Variants in TTC29 observed in about 807,000 individuals in gnomAD.
TTC29 encodes tetratricopeptide repeat domain 29, also known as tetratricopeptide repeat protein 29.
TTC29 carries 49 observed loss-of-function variants against 58.1 expected under a neutral mutation model. The ratio of observed to expected loss-of-function variants is 0.84; its 90% CI spans 0.67 to 1.07. The LOEUF is 1.07. Among genes scored for constraint, TTC29 ranks in the 50% least tolerant of loss-of-function variants. The pLI, the probability that TTC29 is intolerant of heterozygous loss-of-function variation, is 0.00. For synonymous variants in TTC29, 209 were observed against 196.8 expected (o/e 1.06, Z -0.52); for missense variants, 582 against 555.6 (o/e 1.05, Z -0.48).
chr4:146,942,151 T>G (rs1736464971), intron 2 of TTC29, among the ~76,000 whole-genome samples: 1 of 152,222 alleles, frequency 6.6e-6, no homozygotes, highest in African/African-American at 2.4e-5. Flanking sequence ...TTATTTTAAA[T>G]ATAACAGAAT....
intron 11 of TTC29, among the ~76,000 whole-genome samples, chr4:146,768,533 CA>C (rs1747491546): frequency 6.6e-6 from 1 of 151,776 alleles, no homozygotes; most frequent in South Asian, 2.1e-4. Flanking sequence ...AGTCTAAAAG[CA>C]AAATTAAAGA....
intron 11 of TTC29, among the ~76,000 whole-genome samples, chr4:146,715,356 AAC>A (rs547977520): frequency 5.3e-5 from 8 of 152,202 alleles, no homozygotes; most frequent in Non-Finnish European, 1.2e-4. Context: ...ATATGGAATC[AAC>A]CTAAGTGTCC....
intron 11 of TTC29, among the ~76,000 whole-genome samples, chr4:146,787,896 C>CT (rs1477533416): frequency 1.5e-4 from 11 of 75,278 alleles, no homozygotes; most frequent in East Asian, 8.7e-4. Context: ...CAATCTGCCC[C>CT]CTTTTTTTTT....
At chr4:146,887,228 CAT>C (rs1033150853) in intron 6 of TTC29, among the ~76,000 whole-genome samples, 2 of 152,022 alleles carry the variant, frequency 1.3e-5, no homozygotes, top group African/African-American at 4.8e-5. Context: ...ACCACAATAA[CAT>C]AAAAAAGAAA....
chr4:146,857,180 C>T (rs943755488), intron 8 of TTC29, among the ~76,000 whole-genome samples: 17 of 151,648 alleles, frequency 1.1e-4, no homozygotes, highest in African/African-American at 4.1e-4. Flanking sequence ...TTAAAAAACC[C>T]TTTCTTTTGC....
chr4:146,724,721 C>A (rs1001022815), intron 11 of TTC29, among the ~76,000 whole-genome samples: 1 of 152,080 alleles, frequency 6.6e-6, no homozygotes, highest in Non-Finnish European at 1.5e-5. Context: ...ACCACGTTCG[C>A]CAGGCTGGTC....
chr4:146,805,769 C>A (rs1387371999), intron 10 of TTC29, among the ~76,000 whole-genome samples: 2 of 152,004 alleles, frequency 1.3e-5, no homozygotes, highest in Non-Finnish European at 2.9e-5. Flanking sequence ...GATTGGTGTA[C>A]CTGAAAGTGA....
At chr4:146,799,144 G>A (rs2150113047) in intron 11 of TTC29, among the ~76,000 whole-genome samples, 1 of 152,176 alleles carries the variant, frequency 6.6e-6, no homozygotes, top group East Asian at 1.9e-4. Context: ...GCTGCCAGTA[G>A]GTGAGCTTTG....
At chr4:146,929,052 T>C (rs1034875526) in intron 4 of TTC29, among the ~76,000 whole-genome samples, 2 of 152,152 alleles carry the variant, frequency 1.3e-5, no homozygotes, top group Non-Finnish European at 2.9e-5. Context: ...TTTTGGAAGA[T>C]ACTCTAGTAA....
chr4:146,836,408 G>T (rs1459573687), intron 8 of TTC29, among the ~76,000 whole-genome samples: 1 of 152,060 alleles, frequency 6.6e-6, no homozygotes, highest in South Asian at 2.1e-4. Flanking sequence ...GTCTTGCAAA[G>T]GAGCTGCTCT....
Position 146,833,948 on chromosome 4 carries a change from G to C in TTC29, c.886-51C>G, listed in dbSNP as rs980136272. ...AACATATAGCACAGCCAGATACGCT[G>C]ATGTTTCATTTCATAACAGAAAAAA... On this transcript the variant is annotated intron_variant, in intron 8 of 12. Coordinates refer to ENST00000325106, the MANE Select transcript of TTC29 (RefSeq NM_031956.4). 9 of 1,235,006 alleles carry C rather than the reference G, an allele frequency of 7.3e-6. No individual in the cohort carries two copies. In the East Asian group the frequency reaches 2.2e-4, roughly 30 times the overall value. 76.5% of individuals were successfully genotyped at this position (1,235,006 alleles called of 1,614,324 possible).
chr4:146,779,396 C>A lies in TTC29; in HGVS notation c.1330+24061G>T, dbSNP rs986992493. ...AGCATAAGTGCATAAAAAATAGGAG[C>A]AATATATTTTTAAAGTAATTTTCTA... On this transcript the variant is annotated intron_variant, in intron 11 of 12. Coordinates refer to ENST00000325106, the MANE Select transcript of TTC29 (RefSeq NM_031956.4). Among the ~76,000 whole-genome samples the A allele has an allele frequency of 2.6e-5, 4 of 151,964 alleles. No individual in the cohort carries two copies. The South Asian group carries it at 8.3e-4, about 32-fold the overall frequency.
At chr4:146,800,343 A>G (rs1352136026) in intron 11 of TTC29, among the ~76,000 whole-genome samples, 12 of 152,162 alleles carry the variant, frequency 7.9e-5, no homozygotes, top group Admixed American at 5.9e-4. Context: ...CTGCTCTCTG[A>G]GCTAATGATT....
intron 6 of TTC29, among the ~76,000 whole-genome samples, chr4:146,900,662 TTAAGA>T (rs1190279194): frequency 1.2e-4 from 19 of 152,142 alleles, no homozygotes; most frequent in African/African-American, 4.6e-4. Context: ...TAGAAATATT[TTAAGA>T]TATTTTTAAA....
chr4:146,890,718 C>G (rs371887842), intron 6 of TTC29, among the ~76,000 whole-genome samples: 63 of 152,294 alleles, frequency 4.1e-4, no homozygotes, highest in African/African-American at 1.5e-3. Context: ...CATAGAGGGC[C>G]TGGGCTTTGT....
At chr4:146,927,585 G>A (rs775960842) in intron 4 of TTC29, among the ~76,000 whole-genome samples, 4 of 151,810 alleles carry the variant, frequency 2.6e-5, no homozygotes, top group East Asian at 1.9e-4. Flanking sequence ...TACAACATAC[G>A]TACATAGTAT....
At chr4:146,755,569 G>T (rs1165397549) in intron 11 of TTC29, among the ~76,000 whole-genome samples, 1 of 152,082 alleles carries the variant, frequency 6.6e-6, no homozygotes, top group Non-Finnish European at 1.5e-5. Flanking sequence ...TAATAAGATT[G>T]TATTGTATAT....
chr4:146,778,752 C>CACTT (rs1170354775), intron 11 of TTC29, among the ~76,000 whole-genome samples: 1 of 151,864 alleles, frequency 6.6e-6, no homozygotes, highest in Admixed American at 6.6e-5. Flanking sequence ...CATGCGTTCT[C>CACTT]ACTTATAAGC....
rs546057075 is a variant in TTC29 at position 146,809,259 on chromosome 4, C to T, written c.1102-5574G>A. Among the ~76,000 whole-genome samples the T allele has an allele frequency of 2.0e-5, 3 of 149,912 alleles. 1 individual carries two copies. Among genetic ancestry groups the T allele is most frequent in the East Asian group, 3.9e-4 (2 of 5,070 alleles). The stretch of plus-strand genomic sequence containing the variant: ...ACTCAAGATGGATTAAAAACTTAAA[C>T]GTAAGACCTAAAACCATAAAAACCC... On this transcript the variant is annotated intron_variant, in intron 10 of 12. Transcript: ENST00000325106.
Sources: allele counts gnomAD v4.1 joint callset (sites outside exome capture counted in the v4.1 genomes callset), GRCh38; gene constraint gnomAD v4.1.1; transcripts MANE v1.5; gene names NCBI Gene and HGNC (gene_info 2026-07-23, HGNC 2026-07-21).